The following NRDC variants were observed in gnomAD, a reference collection of about 807,000 sequenced individuals.
The protein encoded by NRDC is nardilysin.
NRDC carries 54 observed loss-of-function variants against 147.1 expected under a neutral mutation model. That is an observed-to-expected ratio of 0.37 (90% CI 0.29 to 0.46). The LOEUF (loss-of-function observed/expected upper bound fraction) is 0.46. NRDC is among the 20% of genes least tolerant of loss of function. The pLI is 1.00. For missense variants in NRDC, 1,082 were observed against 1,370.6 expected, an observed-to-expected ratio of 0.79 and a Z score of 3.33; for synonymous variants, 440 against 482.1, an observed-to-expected ratio of 0.91 and a Z score of 1.14.
At chr1:51,835,093 G>A (rs932672363) in intron 3 of NRDC, among the ~76,000 whole-genome samples, 5 of 151,970 alleles carry the variant, frequency 3.3e-5, no homozygotes, top group African/African-American at 1.2e-4. Context: ...CTGGAGTCTC[G>A]CTCCGTCACC....
intron 10 of NRDC, among the ~76,000 whole-genome samples, chr1:51,817,861 A>C (rs924873883): frequency 6.6e-6 from 1 of 152,242 alleles, no homozygotes; most frequent in African/African-American, 2.4e-5. Flanking sequence ...AAGAAAGGCC[A>C]CTATAACTGA....
At chr1:51,834,560 C>A (rs965297192) in intron 3 of NRDC, among the ~76,000 whole-genome samples, 1 of 152,132 alleles carries the variant, frequency 6.6e-6, no homozygotes, top group Non-Finnish European at 1.5e-5. Flanking sequence ...AAGTGATCTG[C>A]CCACCTCGGC....
At chr1:51,855,257 C>A (rs1682176731) in intron 1 of NRDC, among the ~76,000 whole-genome samples, 1 of 152,124 alleles carries the variant, frequency 6.6e-6, no homozygotes, top group Non-Finnish European at 1.5e-5. Context: ...AGGATTTAAG[C>A]ATTAGCTACC....
intron 7 of NRDC, among the ~76,000 whole-genome samples, chr1:51,822,598 CT>C (rs1268770566): frequency 3.9e-5 from 6 of 152,162 alleles, no homozygotes; most frequent in African/African-American, 1.4e-4. Context: ...CATTAATAAG[CT>C]CTTATATCTG....
Position 51,789,388 on chromosome 1 carries a change from A to C in NRDC, c.3304T>G (p.Ser1102Ala). The C allele has an allele frequency of 6.2e-7, 1 of 1,614,138 alleles. No homozygotes were observed. The highest frequency in any genetic ancestry group is 8.5e-7 in the Non-Finnish European group (1 of 1,180,016). ...CAAGAAGAATTTGAATCCTCACTAG[A>C]AGGGGTACCATCCTCTTCCAGTTCA... ...KYELEEDGTPSSEDSNSSCEV... is the reference protein window; with the variant it reads ...KYELEEDGTPASEDSNSSCEV... The change falls in exon 31 of 31, where the codon TCT (serine) becomes GCT (alanine). Residue 1102 changes from serine to alanine, a missense_variant. By Grantham distance (99) the Ser-to-Ala change is moderately conservative. Around this residue, in one of 3 missense-constraint regions of NRDC, gnomAD observed 187 missense variants for 193.6 expected, o/e 0.97. Transcript: ENST00000352171.
Position 51,805,499 on chromosome 1 carries a change from C to T in NRDC, c.2162+11G>A, listed in dbSNP as rs759394345. 3.2e-6 allele frequency: 5 copies of T among 1,565,912 alleles called. No homozygotes were observed. The South Asian group carries it at 6.0e-5, about 19-fold the overall frequency. ...AAAATGTATTTTCCAGAAAAAAAGA[C>T]AATTGCTTACTTTGCTGCAGATTTC... On this transcript the variant is annotated intron_variant, in intron 19 of 30. Coordinates refer to ENST00000352171, the MANE Select transcript of NRDC (RefSeq NM_001101662.2).
intron 1 of NRDC, among the ~76,000 whole-genome samples, chr1:51,868,251 G>A (rs1682914284): frequency 6.6e-6 from 1 of 152,078 alleles, no homozygotes; most frequent in African/African-American, 2.4e-5. Context: ...TTGCTAGAGG[G>A]CCACACAAGA....
chr1:51,860,951 C>CTT (rs528761936), intron 1 of NRDC, among the ~76,000 whole-genome samples: 1,667 of 139,460 alleles, frequency 0.012, 40 homozygotes, highest in African/African-American at 0.041. Context: ...GGTATTACTT[C>CTT]TTTTTTTTTT....
At chr1:51,844,215 G>C (rs1681417743) in intron 1 of NRDC, among the ~76,000 whole-genome samples, 1 of 151,970 alleles carries the variant, frequency 6.6e-6, no homozygotes, top group South Asian at 2.1e-4. Flanking sequence ...AATGAGCCCT[G>C]CTATGGGCTG....
intron 1 of NRDC, among the ~76,000 whole-genome samples, chr1:51,866,834 G>A (rs572694323): frequency 1.3e-5 from 2 of 151,992 alleles, no homozygotes; most frequent in East Asian, 1.9e-4. Context: ...GAACTAGTAC[G>A]GTATATACAT....
chr1:51,850,332 TACC>T (rs10617705), intron 1 of NRDC, among the ~76,000 whole-genome samples: 30,070 of 152,030 alleles, frequency 0.2, 3,961 homozygotes, highest in Non-Finnish European at 0.28. Context: ...TGCCATTTAC[TACC>T]ACAACTCAAC....
chr1:51,840,223 C>T lies in NRDC; in HGVS notation c.630+3G>A. 2 of 1,589,768 alleles carry T rather than the reference C, an allele frequency of 1.3e-6. No homozygotes were observed. Among genetic ancestry groups the T allele is most frequent in the Non-Finnish European group, 1.7e-6 (2 of 1,170,004 alleles). On this transcript the variant is annotated splice_donor_region_variant and intron_variant, in intron 2 of 30. Transcript: ENST00000352171. ...ATTAGAAGAAAACAGACATGACTCGCACCTGTTTTTCAGTAGTTTTTTTTC... is the reference window on the plus strand; with the variant it reads ...ATTAGAAGAAAACAGACATGACTCGTACCTGTTTTTCAGTAGTTTTTTTTC...
At position 51,794,548 on chromosome 1, in the gene NRDC, G is replaced by C; in HGVS notation, c.2699C>G (p.Pro900Arg). ...MPVQFQVVELPSGHHLCKVKA... is the reference protein window; with the variant it reads ...MPVQFQVVELRSGHHLCKVKA... Reference sequence around the variant, plus strand: ...CACTTTGCATAGATGGTGGCCACTGGGCAGCTCTACCACCTGGAACTGCAC... The same window carrying C: ...CACTTTGCATAGATGGTGGCCACTGCGCAGCTCTACCACCTGGAACTGCAC... Residue 900 changes from proline to arginine, a missense_variant, in exon 24 of 31, where the codon CCC becomes CGC. By Grantham distance (103) the Pro-to-Arg change is moderately radical. Around this residue, in one of 3 missense-constraint regions of NRDC, gnomAD observed 635 missense variants for 923.8 expected, o/e 0.69. Transcript: ENST00000352171. 1 of 1,614,062 alleles carries C rather than the reference G, an allele frequency of 6.2e-7. No individual in the cohort carries two copies.
chr1:51,812,372 G>A (rs1679765213), intron 14 of NRDC, among the ~76,000 whole-genome samples: 1 of 151,968 alleles, frequency 6.6e-6, no homozygotes, highest in African/African-American at 2.4e-5. Context: ...TACAAAAAAT[G>A]CAAAAATAAG....
At chr1:51,807,683 G>A (rs1371488739) in intron 17 of NRDC, among the ~76,000 whole-genome samples, 5 of 152,014 alleles carry the variant, frequency 3.3e-5, no homozygotes, top group African/African-American at 1.2e-4. Flanking sequence ...CTCCAACCTG[G>A]GCAACAGAGT....
intron 1 of NRDC, among the ~76,000 whole-genome samples, chr1:51,866,278 C>T (rs1011675272): frequency 3.3e-5 from 5 of 151,742 alleles, no homozygotes; most frequent in East Asian, 1.9e-4. Flanking sequence ...AATGTAAGAA[C>T]GTAAAGAAGC....
chr1:51,878,226 G>A, intron 1 of NRDC, 49 bp downstream of exon 1: 1 of 1,551,328 alleles, frequency 6.4e-7, no homozygotes, highest in African/African-American at 1.4e-5. Flanking sequence ...GGCACCGACA[G>A]AGAAGCCGGC....
chr1:51,859,277 T>C (rs1682413197), intron 1 of NRDC, among the ~76,000 whole-genome samples: 1 of 152,246 alleles, frequency 6.6e-6, no homozygotes, highest in Admixed American at 6.5e-5. Flanking sequence ...ATGTGTTACT[T>C]GTATGTAATA....
chr1:51,822,888 T>A (rs1193900897), intron 7 of NRDC, among the ~76,000 whole-genome samples: 1 of 152,200 alleles, frequency 6.6e-6, no homozygotes, highest in Non-Finnish European at 1.5e-5. Context: ...AGATTTGATC[T>A]TAATTTTGAC....
Sources: gnomAD v4.1 joint callset for allele counts (sites outside exome capture counted in the v4.1 genomes callset) on GRCh38, gnomAD v4.1.1 for gene constraint, gnomAD v4.1.1 regional missense constraint, MANE v1.5 for transcripts, NCBI Gene and HGNC (gene_info 2026-07-23, HGNC 2026-07-21) for gene names.